Variants in GPR180 observed in about 807,000 individuals in gnomAD.
GPR180 encodes the protein G protein-coupled receptor 180.
A neutral mutation model predicts 52.6 loss-of-function variants in GPR180; 53 were observed. The ratio of observed to expected loss-of-function variants is 1.01; its 90% confidence interval spans 0.81 to 1.27. The LOEUF (loss-of-function observed/expected upper bound fraction) is 1.27. Ranked by LOEUF, GPR180 falls within the 50% of genes most tolerant of loss-of-function variation. GPR180 has a pLI of 0.00. For synonymous variants in GPR180, 200 were observed against 193.1 expected (o/e 1.04, Z -0.30); for missense variants, 533 against 527.0 (o/e 1.01, Z -0.11).
Position 94,610,728 on chromosome 13 carries a change from T to C in GPR180, c.305-1462T>C, listed in dbSNP as rs1470798522. On this transcript the variant is annotated intron_variant, in intron 2 of 8. Coordinates refer to ENST00000376958, the MANE Select transcript of GPR180 (RefSeq NM_180989.6). ...AATAGTTTTAGGTCCAGAAGGAATCTTAGACATCATTTTGTGTTTCTCAGA... is the reference window on the plus strand; with the variant it reads ...AATAGTTTTAGGTCCAGAAGGAATCCTAGACATCATTTTGTGTTTCTCAGA... Among the ~76,000 whole-genome samples, 3 of 152,322 alleles carry C rather than the reference T, an allele frequency of 2.0e-5. No individual in the cohort carries two copies. In the East Asian group the frequency reaches 5.8e-4, roughly 29 times the overall value.
intron 3 of GPR180, 145 bp from the exon 4 acceptor site, chr13:94,619,005 A>AT (rs898188661): frequency 4.6e-5 from 31 of 669,262 alleles, no homozygotes; most frequent in Non-Finnish European, 6.3e-5. Context: ...AGTTTTAATA[A>AT]TTTTTTTTCT....
intron 3 of GPR180, among the ~76,000 whole-genome samples, chr13:94,615,688 C>T (rs1165935779): frequency 6.6e-6 from 1 of 152,112 alleles, no homozygotes; most frequent in East Asian, 1.9e-4. Flanking sequence ...CAAGAAGTAC[C>T]CAGAATCCTG....
In GPR180 at chr13:94,624,983, T is replaced by C. The variant is rs369300489; in HGVS notation, c.1087-983T>C. Among the ~76,000 whole-genome samples the C allele has an allele frequency of 3.7e-4, 57 of 152,106 alleles. 3 individuals are homozygous for C. The South Asian group carries it at 7.7e-3, about 21-fold the overall frequency. On this transcript the variant is annotated intron_variant, in intron 7 of 8. Coordinates refer to ENST00000376958, the MANE Select transcript of GPR180 (RefSeq NM_180989.6). The stretch of plus-strand genomic sequence containing the variant: ...CATGTGCTACCACACCTGGCTAATT[T>C]CTGCATTTTCAGTAGAGATGGGGTT...
intron 1 of GPR180, 130 bp downstream of exon 1, chr13:94,602,202 A>G: frequency 1.2e-6 from 1 of 858,964 alleles, no homozygotes; most frequent in East Asian, 3.3e-5. Flanking sequence ...CCTCACCTGG[A>G]CCTCCAGCGT....
At chr13:94,621,668 C>T (rs568582109) in intron 6 of GPR180, among the ~76,000 whole-genome samples, 139 of 151,938 alleles carry the variant, frequency 9.1e-4, no homozygotes, top group African/African-American at 2.9e-3. Context: ...CTGCTTTGTA[C>T]GTAAAAGAAT....
intron 8 of GPR180, 97 bp downstream of exon 8, chr13:94,626,140 C>T: frequency 6.7e-6 from 5 of 742,242 alleles, no homozygotes; most frequent in Admixed American, 5.4e-5. Context: ...TTTTTTAAGA[C>T]ATTTTCTGGG....
At position 94,607,223 on chromosome 13, in the gene GPR180, G is replaced by A. The variant is rs1889644482; in HGVS notation, c.304+1674G>A. ...TATCTCTTGAATTCATCTTGCCTTT[G>A]CTATTTCGACAGTCTCCTACGTGGT... On this transcript the variant is annotated intron_variant, in intron 2 of 8. Coordinates refer to ENST00000376958, the MANE Select transcript of GPR180 (RefSeq NM_180989.6). Among the ~76,000 whole-genome samples the A allele has an allele frequency of 4.0e-5, 6 of 150,702 alleles. No homozygotes were observed. In the South Asian group the frequency reaches 1.2e-3, roughly 31 times the overall value.
intron 8 of GPR180, among the ~76,000 whole-genome samples, chr13:94,626,701 C>T (rs1179415860): frequency 6.6e-6 from 1 of 152,104 alleles, no homozygotes; most frequent in East Asian, 1.9e-4. Flanking sequence ...CCTAAATTAG[C>T]TAGGAACCTG....
At chr13:94,626,427 C>T (rs1457396076) in intron 8 of GPR180, among the ~76,000 whole-genome samples, 1 of 152,060 alleles carries the variant, frequency 6.6e-6, no homozygotes, top group Non-Finnish European at 1.5e-5. Context: ...GTGCCATGCT[C>T]AAGTATGATG....
At chr13:94,608,876 T>G (rs1422991086) in intron 2 of GPR180, among the ~76,000 whole-genome samples, 3 of 152,166 alleles carry the variant, frequency 2.0e-5, no homozygotes, top group Non-Finnish European at 4.4e-5. Context: ...GTTGCTTGAC[T>G]CTCCCAAATT....
intron 5 of GPR180, among the ~76,000 whole-genome samples, chr13:94,620,097 A>G (rs61965608): frequency 2.0e-5 from 3 of 152,122 alleles, no homozygotes; most frequent in Non-Finnish European, 4.4e-5. Context: ...GCATATCCTT[A>G]TTTTGCAGAT....
chr13:94,612,316 T>C lies in GPR180; in HGVS notation c.431T>C (p.Ile144Thr), dbSNP rs773157508. The change falls in exon 3 of 9, where the codon ATC becomes ACC. Residue 144 changes from isoleucine (I) to threonine (T), a missense_variant. Transcript: ENST00000376958. The part of the protein sequence containing the change: ...DDKENSQVED[I>T]PFEMVLLNPD... The stretch of plus-strand genomic sequence containing the variant: ...AAGGAGAATTCTCAGGTGGAAGATA[T>C]CCCATTTGAAATGGTGTTACTAAAC... 15 of 1,613,794 alleles carry C rather than the reference T, an allele frequency of 9.3e-6. No homozygotes were observed. In the Admixed American group the frequency reaches 2.3e-4, roughly 25 times the overall value.
chr13:94,624,769 C>T (rs1889903450), intron 7 of GPR180, among the ~76,000 whole-genome samples: 1 of 152,210 alleles, frequency 6.6e-6, no homozygotes, highest in African/African-American at 2.4e-5. Flanking sequence ...CTCTCGACCT[C>T]CTGACCTTGT....
rs183638771 is a variant in GPR180 at position 94,630,566 on chromosome 13, T to C, written c.*3395T>C. On this transcript the variant is annotated 3_prime_UTR_variant, in exon 9 of 9. Transcript: ENST00000376958. ...GAAAAGAAGTCCTCACTCATTACTA[T>C]GTTCTGCAAGGCCCATATGATCTGG... 1.3e-5 allele frequency: 2 copies of C among 152,394 alleles called. No homozygotes were observed. The highest frequency in any genetic ancestry group is 4.8e-5 in the African/African-American group (2 of 41,600). 9.4% of individuals were successfully genotyped at this position (152,394 alleles called of 1,614,324 possible).
In GPR180 at chr13:94,624,971, A is replaced by G. The variant is rs1333352740; in HGVS notation, c.1087-995A>G. On this transcript the variant is annotated intron_variant, in intron 7 of 8. Transcript: ENST00000376958. ...TTCAGTCTCTGGCATGTGCTACCAC[A>G]CCTGGCTAATTTCTGCATTTTCAGT... Among the ~76,000 whole-genome samples the G allele has an allele frequency of 2.0e-5, 3 of 151,672 alleles. 1 individual carries two copies. Among genetic ancestry groups the G allele is most frequent in the African/African-American group, 7.3e-5 (3 of 41,174 alleles).
intron 3 of GPR180, among the ~76,000 whole-genome samples, chr13:94,614,824 G>T (rs1270055683): frequency 2.6e-5 from 4 of 152,114 alleles, no homozygotes; most frequent in African/African-American, 7.2e-5. Context: ...CACTATAATC[G>T]TATGTATTTT....
chr13:94,624,693 C>G (rs964417147), intron 7 of GPR180, among the ~76,000 whole-genome samples: 2 of 152,098 alleles, frequency 1.3e-5, no homozygotes, highest in African/African-American at 4.8e-5. Context: ...GAGTAACTCG[C>G]GCCCACGCCC....
rs779799176 is a variant in GPR180, at chr13:94,634,186, G to A, written c.*7015G>A. On this transcript the variant is annotated 3_prime_UTR_variant, in exon 9 of 9. Coordinates refer to ENST00000376958, the MANE Select transcript of GPR180 (RefSeq NM_180989.6). ...TTCAAAAGAAAAAAAATCCTGTTTA[G>A]TATTCTTAGTGGAATGAATTAAATT... 6.6e-6 allele frequency: 1 copy of A among 151,906 alleles called. No homozygotes were observed. Among genetic ancestry groups the A allele is most frequent in the Non-Finnish European group, 1.5e-5 (1 of 67,954 alleles). The allele number at this position is 151,906 out of a possible 1,614,324, so 9.4% of individuals were successfully genotyped here.
chr13:94,617,100 C>G (rs1889788497), intron 3 of GPR180, among the ~76,000 whole-genome samples: 1 of 152,064 alleles, frequency 6.6e-6, no homozygotes, highest in Non-Finnish European at 1.5e-5. Context: ...ATCTTATTTT[C>G]CAGAGTCCCT....
Sources: gnomAD v4.1 joint callset for allele counts (sites outside exome capture counted in the v4.1 genomes callset) on GRCh38, gnomAD v4.1.1 for gene constraint, MANE v1.5 for transcripts, NCBI Gene and HGNC (gene_info 2026-07-23, HGNC 2026-07-21) for gene names.